The following CLTC variants were observed in gnomAD, a reference collection of about 807,000 sequenced individuals.
The protein encoded by CLTC is clathrin heavy chain 1.
CLTC carries 16 observed loss-of-function variants against 195.8 expected under a neutral mutation model. The observed-to-expected ratio is 0.08, with a 90% CI of 0.06 to 0.12. The LOEUF is 0.12. Among genes scored for constraint, CLTC ranks in the 10% least tolerant of loss-of-function variants. The probability of loss-of-function intolerance (pLI) is 1.00; values close to 1 mark genes in which losing one functional copy is unlikely to be tolerated. For synonymous variants in CLTC, 667 were observed against 689.4 expected, an observed-to-expected ratio of 0.97 and a Z score of 0.51; for missense variants, 796 against 2,027.0, an observed-to-expected ratio of 0.39 and a Z score of 11.66.
In CLTC at chr17:59,694,014, A is replaced by T; in HGVS notation, c.*162A>T. 4 of 645,746 alleles carry T rather than the reference A, an allele frequency of 6.2e-6. No individual in the cohort carries two copies. The highest frequency in any genetic ancestry group is 9.4e-6 in the Non-Finnish European group (4 of 425,290). The allele number at this position is 645,746 out of a possible 1,614,324, so 40.0% of individuals were successfully genotyped here. On this transcript the variant is annotated 3_prime_UTR_variant, in exon 32 of 32. Transcript: ENST00000269122. ...ACTATAAACTTGGATCACCTATGTTAAAACCTTATTTCACATTCCACATCA... is the reference window on the plus strand; with the variant it reads ...ACTATAAACTTGGATCACCTATGTTTAAACCTTATTTCACATTCCACATCA...
chr17:59,665,003 T>C, intron 10 of CLTC, 94 bp downstream of exon 10: 1 of 1,495,684 alleles, frequency 6.7e-7, no homozygotes, highest in Non-Finnish European at 9.0e-7. Context: ...GGTGGGAGTA[T>C]TGCTTGAGGC....
At position 59,696,475 on chromosome 17, in the gene CLTC, G is replaced by A. The variant is rs73333007; in HGVS notation, c.*2623G>A. On this transcript the variant is annotated 3_prime_UTR_variant, in exon 32 of 32. Coordinates refer to ENST00000269122, the MANE Select transcript of CLTC (RefSeq NM_004859.4). ...TCCCTGGCATCATTACAGTTCTTGG[G>A]GATACACTGATTTTAGAAATTACTG... 0.033 allele frequency: 6,978 copies of A among 212,828 alleles called. 386 individuals are homozygous for A. Among genetic ancestry groups the A allele is most frequent in the African/African-American group, 0.13 (5,745 of 44,160 alleles). 13.2% of individuals were successfully genotyped at this position (212,828 alleles called of 1,614,324 possible).
In CLTC at chr17:59,648,205, G is replaced by T; in HGVS notation, c.520-35G>T. Reference sequence around the variant, plus strand: ...TGAATCTGAGAGTTTTTGATTTATGGGTCTTCAAACGTTATTCTCTTTGAT... The same window carrying T: ...TGAATCTGAGAGTTTTTGATTTATGTGTCTTCAAACGTTATTCTCTTTGAT... On this transcript the variant is annotated intron_variant, in intron 3 of 31. Coordinates refer to ENST00000269122, the MANE Select transcript of CLTC (RefSeq NM_004859.4). This position sits in a 1 kb window ranked among gnomAD's most constrained non-coding sequence, Gnocchi z 4.5. The T allele has an allele frequency of 6.4e-7, 1 of 1,557,478 alleles. No individual in the cohort carries two copies. The highest frequency in any genetic ancestry group is 8.7e-7 in the Non-Finnish European group (1 of 1,148,836).
chr17:59,639,912 C>T (rs1428341890), intron 1 of CLTC, among the ~76,000 whole-genome samples: 1 of 151,766 alleles, frequency 6.6e-6, no homozygotes, highest in East Asian at 1.9e-4. Flanking sequence ...TGCAGTGGTA[C>T]CACTGCACTC....
chr17:59,663,760 T>C (rs2032663045), intron 8 of CLTC, 82 bp from the exon 9 acceptor site: 1 of 1,157,528 alleles, frequency 8.6e-7, no homozygotes, highest in Non-Finnish European at 1.2e-6. Context: ...TACTAGTTAT[T>C]ACTTATAGTG....
At chr17:59,631,645 A>G (rs1162861338) in intron 1 of CLTC, among the ~76,000 whole-genome samples, 3 of 152,184 alleles carry the variant, frequency 2.0e-5, no homozygotes, top group Admixed American at 6.5e-5. Flanking sequence ...TGAATCAGCA[A>G]TGTGGAAGGA....
chr17:59,620,211 G>A, intron 1 of CLTC, 38 bp downstream of exon 1: 2 of 1,611,856 alleles, frequency 1.2e-6, no homozygotes, highest in South Asian at 1.1e-5. Flanking sequence ...CTGTGGAGAA[G>A]GTGGTAGGAA....
chr17:59,689,519 T>G (rs2033253095), intron 30 of CLTC: 1 of 152,110 alleles, frequency 6.6e-6, no homozygotes, highest in African/African-American at 2.4e-5. Context: ...GCCCCCCGTC[T>G]CATGCAGCAC....
At chr17:59,656,615 C>T (rs1049655845) in intron 6 of CLTC, among the ~76,000 whole-genome samples, 2 of 151,434 alleles carry the variant, frequency 1.3e-5, no homozygotes, top group Non-Finnish European at 2.9e-5. Flanking sequence ...TTTGAAAAAC[C>T]TCTTCATACC....
intron 17 of CLTC, among the ~76,000 whole-genome samples, chr17:59,678,246 T>C (rs1190201010): frequency 2.0e-5 from 3 of 152,216 alleles, no homozygotes; most frequent in Non-Finnish European, 4.4e-5. Context: ...TTTGTCAGTT[T>C]TTATCAAGTT....
rs548844494 is a variant in CLTC, at chr17:59,639,549, T to C, written c.43-4727T>C. Among the ~76,000 whole-genome samples, 11 of 152,300 alleles carry C rather than the reference T, an allele frequency of 7.2e-5. No homozygotes were observed. The East Asian group carries it at 1.9e-3, about 27-fold the overall frequency. ...TTGAGAGGATAATAAAATGTAGCTGTAGTTTGGATACATGTATCCAGATAT... is the reference window on the plus strand; with the variant it reads ...TTGAGAGGATAATAAAATGTAGCTGCAGTTTGGATACATGTATCCAGATAT... On this transcript the variant is annotated intron_variant, in intron 1 of 31. Coordinates refer to ENST00000269122, the MANE Select transcript of CLTC (RefSeq NM_004859.4).
intron 28 of CLTC, among the ~76,000 whole-genome samples, chr17:59,684,801 C>A (rs8079440): frequency 2.3e-5 from 3 of 131,586 alleles, no homozygotes; most frequent in East Asian, 2.5e-4. Flanking sequence ...AGGGAGACTC[C>A]ATCTCAAAAA....
At chr17:59,624,454 C>CT (rs5821272) in intron 1 of CLTC, among the ~76,000 whole-genome samples, 3,955 of 97,952 alleles carry the variant, frequency 0.04, 567 homozygotes, top group African/African-American at 0.16. Context: ...GAGCCACATA[C>CT]TTTTTTTTTT....
chr17:59,660,871 T>C (rs534813155), intron 7 of CLTC, among the ~76,000 whole-genome samples: 2 of 152,346 alleles, frequency 1.3e-5, no homozygotes, highest in Admixed American at 1.3e-4. Context: ...TTAGGTGTTA[T>C]ACTGTTTGAC....
intron 16 of CLTC, among the ~76,000 whole-genome samples, 160 bp downstream of exon 16, chr17:59,675,003 A>G (rs541999769): frequency 6.6e-6 from 1 of 152,334 alleles, no homozygotes; most frequent in East Asian, 1.9e-4. Context: ...TAGCACTGGG[A>G]AAAAATCTGT....
intron 4 of CLTC, among the ~76,000 whole-genome samples, chr17:59,649,776 C>T (rs2032285735): frequency 6.6e-6 from 1 of 152,124 alleles, no homozygotes; most frequent in Non-Finnish European, 1.5e-5. Context: ...ATGCTACCAA[C>T]ACCTCAATGT....
rs2032929821 is a variant in CLTC, at chr17:59,674,848, A to G, written c.2561+5A>G. ...TGAGGTTGAAAAAAGAAACAGGTGT[A>G]GTACCATTTTAACAGGGATAAGTTA... On this transcript the variant is annotated splice_donor_5th_base_variant and intron_variant, in intron 16 of 31. Coordinates refer to ENST00000269122, the MANE Select transcript of CLTC (RefSeq NM_004859.4). The G allele has an allele frequency of 6.2e-7, 1 of 1,611,524 alleles. No homozygotes were observed. The highest frequency in any genetic ancestry group is 1.3e-5 in the African/African-American group (1 of 74,908).
At chr17:59,620,704 G>A (rs950519217) in intron 1 of CLTC, among the ~76,000 whole-genome samples, 1 of 151,812 alleles carries the variant, frequency 6.6e-6, no homozygotes, top group Non-Finnish European at 1.5e-5. Flanking sequence ...TTCTCCGGTG[G>A]TGGGGGTTGG....
chr17:59,647,621 A>G lies in CLTC; in HGVS notation c.474A>G (p.Thr158=), dbSNP rs148861333. ...LAGCQIINYR[T]DAKQKWLLLT... is the part of the protein sequence containing the mutation. ...GGTGCCAGATTATCAATTACCGTACAGATGCAAAACAAAAGTGGTTACTTC... is the reference window on the plus strand; with the variant it reads ...GGTGCCAGATTATCAATTACCGTACGGATGCAAAACAAAAGTGGTTACTTC... Residue 158 remains threonine (T), a synonymous_variant, in exon 3 of 32, where the codon ACA becomes ACG. Coordinates refer to ENST00000269122, the MANE Select transcript of CLTC (RefSeq NM_004859.4). 7 of 1,614,158 alleles carry G rather than the reference A, an allele frequency of 4.3e-6. No individual in the cohort carries two copies. The African/African-American group carries it at 9.3e-5, about 22-fold the overall frequency.
Sources: allele counts gnomAD v4.1 joint callset (sites outside exome capture counted in the v4.1 genomes callset), GRCh38; gene constraint gnomAD v4.1.1; non-coding constraint Gnocchi (gnomAD v3.1); transcripts MANE v1.5; gene names NCBI Gene and HGNC (gene_info 2026-07-23, HGNC 2026-07-21).